The following FUNDC2 variants were observed in gnomAD, a reference collection of about 807,000 sequenced individuals.
FUNDC2 encodes FUN14 domain containing 2, also known as FUN14 domain-containing protein 2.
FUNDC2 carries 4 observed loss-of-function variants against 15.6 expected under a neutral mutation model. That is an observed-to-expected ratio of 0.26 (90% CI 0.13 to 0.59). The LOEUF (loss-of-function observed/expected upper bound fraction) is 0.59, where lower values mean the gene tolerates loss of function less well. Ranked by LOEUF, FUNDC2 falls within the 20% of genes least tolerant of loss-of-function variation. The pLI, the probability that FUNDC2 is intolerant of heterozygous loss-of-function variation, is 0.90. For missense variants in FUNDC2, 98 were observed against 149.7 expected (o/e 0.65, Z 1.80); for synonymous variants, 44 against 56.9 (o/e 0.77, Z 1.02).
In FUNDC2 at chrX:155,054,771, C is replaced by T; in HGVS notation, c.*99C>T. ...AGTCCCTCCTCCTCTTCTCCCATGC[C>T]TTCTTCCCTGCCATGGCAAATCTGA... On this transcript the variant is annotated 3_prime_UTR_variant, in exon 5 of 5. Coordinates refer to ENST00000369498, the MANE Select transcript of FUNDC2 (RefSeq NM_023934.4). The T allele has an allele frequency of 1.3e-6, 1 of 741,421 alleles. No homozygotes were observed. The highest frequency in any genetic ancestry group is 2.3e-5 in the Admixed American group (1 of 42,837). 61.1% of individuals were successfully genotyped at this position (741,421 alleles called of 1,213,427 possible). A position where few individuals can be genotyped will look rare whatever the true frequency, so the allele number is the denominator to read the frequency against.
rs2073906447 is a variant in FUNDC2, at chrX:155,057,038, ATCCTGCTAGTATGAGAAC to A, written c.*2367_*2384del. The A allele has an allele frequency of 1.0e-5, 1 of 96,025 alleles. No individual in the cohort carries two copies. Among genetic ancestry groups the A allele is most frequent in the African/African-American group, 3.8e-5 (1 of 26,044 alleles). 7.9% of individuals were successfully genotyped at this position (96,025 alleles called of 1,213,427 possible). A position where few individuals can be genotyped will look rare whatever the true frequency, so the allele number is the denominator to read the frequency against. ...GAGGTCAGTATTGCAGGTTGGCCTC[ATCCTGCTAGTATGAGAAC>A]GGCTGTGAGTTCTGCCCACGGTGTG... On this transcript the variant is annotated 3_prime_UTR_variant, in exon 5 of 5. Transcript: ENST00000369498.
chrX:155,036,185 C>A (rs1557289178), intron 2 of FUNDC2, among the ~76,000 whole-genome samples: 2 of 112,152 alleles, frequency 1.8e-5, no homozygotes, highest in African/African-American at 3.2e-5. Context: ...TTGGTATTAT[C>A]TTTTTGATTA....
At chrX:155,052,157 C>T (rs782339766) in intron 4 of FUNDC2, among the ~76,000 whole-genome samples, 8 of 112,188 alleles carry the variant, frequency 7.1e-5, no homozygotes, top group Non-Finnish European at 1.5e-4. Context: ...GCTTGTTCTG[C>T]ATATAACTAG....
rs782677786 is a variant in FUNDC2, at chrX:155,033,570, A to G, written c.284+17A>G. ...CACTGGATGGTAAGTGATGTGAAAG[A>G]TGTCCACTGTCTTTTGTGCATGATT... is the stretch of plus-strand genomic sequence containing the variant. On this transcript the variant is annotated intron_variant, in intron 2 of 4. Transcript: ENST00000369498. 8.3e-7 allele frequency: 1 copy of G among 1,198,288 alleles called. No individual in the cohort carries two copies. Among genetic ancestry groups the G allele is most frequent in the Admixed American group, 2.2e-5 (1 of 46,023 alleles).
chrX:155,029,753 CAAAAAAAA>C (rs59625612), intron 1 of FUNDC2, among the ~76,000 whole-genome samples: 1 of 66,361 alleles, frequency 1.5e-5, no homozygotes, highest in Admixed American at 1.7e-4. Context: ...AACTCTATCT[CAAAAAAAA>C]AAAAAAAAAG....
At position 155,057,593 on chromosome X, in the gene FUNDC2, T is replaced by C. The variant is rs2073911723; in HGVS notation, c.*2921T>C. 9.0e-6 allele frequency: 1 copy of C among 111,725 alleles called. No homozygotes were observed. The highest frequency in any genetic ancestry group is 1.9e-5 in the Non-Finnish European group (1 of 53,030). 9.2% of individuals were successfully genotyped at this position (111,725 alleles called of 1,213,427 possible). Reference sequence around the variant, plus strand: ...GCTTCCAACTTGTCAACCAATAGGATGGCATCTACGTAGTGAAGGCTTCCC... The same window carrying C: ...GCTTCCAACTTGTCAACCAATAGGACGGCATCTACGTAGTGAAGGCTTCCC... On this transcript the variant is annotated 3_prime_UTR_variant, in exon 5 of 5. Transcript: ENST00000369498.
In FUNDC2 at chrX:155,037,515, G is replaced by T. The variant is rs185220996; in HGVS notation, c.284+3962G>T. On this transcript the variant is annotated intron_variant, in intron 2 of 4. Coordinates refer to ENST00000369498, the MANE Select transcript of FUNDC2 (RefSeq NM_023934.4). ...TTTATTTTTTTTGAGACATAGTCTC[G>T]CTCTCTCACCCAGGCTAGAGTGCAG... 4.1e-3 allele frequency among the ~76,000 whole-genome samples: 450 copies of T among 110,952 alleles called. 1 individual carries two copies. Among genetic ancestry groups the T allele is most frequent in the Middle Eastern group, 0.014 (3 of 214 alleles).
intron 3 of FUNDC2, 107 bp from the exon 4 acceptor site, chrX:155,051,563 A>G: frequency 1.1e-6 from 1 of 876,181 alleles, no homozygotes; most frequent in South Asian, 2.5e-5. Flanking sequence ...TGTCTCCAAA[A>G]ATGGAAAGTC....
rs2073901818 is a variant in FUNDC2 at position 155,056,870 on chromosome X, T to TTGA, written c.*2198_*2199insTGA. On this transcript the variant is annotated 3_prime_UTR_variant, in exon 5 of 5. Coordinates refer to ENST00000369498, the MANE Select transcript of FUNDC2 (RefSeq NM_023934.4). ...GGTGAGGGCAGCAAAGATTAGCAGG[T>TTGA]GGTTGTAAACTACCTTGAGTAGGTT... 8.9e-6 allele frequency: 1 copy of TTGA among 111,816 alleles called. No homozygotes were observed. The highest frequency in any genetic ancestry group is 1.9e-5 in the Non-Finnish European group (1 of 53,126). 9.2% of individuals were successfully genotyped at this position (111,816 alleles called of 1,213,427 possible).
chrX:155,055,647 C>T lies in FUNDC2; in HGVS notation c.*975C>T, dbSNP rs2073892397. 1 of 167,216 alleles carries T rather than the reference C, an allele frequency of 6.0e-6. No individual in the cohort carries two copies. The highest frequency in any genetic ancestry group is 8.0e-5 in the Admixed American group (1 of 12,534). 13.8% of individuals were successfully genotyped at this position (167,216 alleles called of 1,213,427 possible). On this transcript the variant is annotated 3_prime_UTR_variant, in exon 5 of 5. Coordinates refer to ENST00000369498, the MANE Select transcript of FUNDC2 (RefSeq NM_023934.4). ...TTACACACACACACACACACGGGCA[C>T]ACACGCACACACAGAATCTTACCAC... is the stretch of plus-strand genomic sequence containing the variant.
Position 155,046,979 on chromosome X carries a change from G to A in FUNDC2, c.360+395G>A, listed in dbSNP as rs1262009645. Reference sequence around the variant, plus strand: ...GTTGAGCATGTGATGAGAAATGGGAGCTAAGTGACAGTACAGTCAGATGTC... The same window carrying A: ...GTTGAGCATGTGATGAGAAATGGGAACTAAGTGACAGTACAGTCAGATGTC... On this transcript the variant is annotated intron_variant, in intron 3 of 4. Coordinates refer to ENST00000369498, the MANE Select transcript of FUNDC2 (RefSeq NM_023934.4). 10 of 204,468 alleles carry A rather than the reference G, an allele frequency of 4.9e-5. No individual in the cohort carries two copies. The East Asian group carries it at 1.2e-3, about 24-fold the overall frequency. 16.9% of individuals were successfully genotyped at this position (204,468 alleles called of 1,213,427 possible).
chrX:155,046,739 G>A (rs782783016), intron 3 of FUNDC2, among the ~76,000 whole-genome samples, 155 bp downstream of exon 3: 9 of 112,186 alleles, frequency 8.0e-5, no homozygotes, highest in Non-Finnish European at 1.5e-4. Context: ...GACCGTTTGA[G>A]TCAAATTTTA....
rs1256189597 is a variant in FUNDC2, at chrX:155,057,393, T to G, written c.*2721T>G. The G allele has an allele frequency of 8.9e-6, 1 of 111,981 alleles. No individual in the cohort carries two copies. The highest frequency in any genetic ancestry group is 1.9e-5 in the Non-Finnish European group (1 of 53,099). The allele number at this position is 111,981 out of a possible 1,213,427, so 9.2% of individuals were successfully genotyped here. A position where few individuals can be genotyped will look rare whatever the true frequency, so the allele number is the denominator to read the frequency against. The stretch of plus-strand genomic sequence containing the variant: ...GGCCTGCTTAGCTAGGCACGTATTT[T>G]CTCCAGTAGCAGAGTCCAATGACGC... On this transcript the variant is annotated 3_prime_UTR_variant, in exon 5 of 5. Coordinates refer to ENST00000369498, the MANE Select transcript of FUNDC2 (RefSeq NM_023934.4).
chrX:155,051,875 A>G (rs1557290529), intron 4 of FUNDC2, 74 bp downstream of exon 4: 7 of 1,029,457 alleles, frequency 6.8e-6, no homozygotes, highest in Non-Finnish European at 9.3e-6. Flanking sequence ...ATTGTACCAT[A>G]TCTCAGTGAT....
rs782028948 is a variant in FUNDC2 at position 155,055,488 on chromosome X, G to A, written c.*816G>A. 7.0e-5 allele frequency: 20 copies of A among 286,295 alleles called. No homozygotes were observed. In the South Asian group the frequency reaches 1.5e-3, roughly 21 times the overall value. 23.6% of individuals were successfully genotyped at this position (286,295 alleles called of 1,213,427 possible). A position where few individuals can be genotyped will look rare whatever the true frequency, so the allele number is the denominator to read the frequency against. ...TAGTATGAAATACAACATTTAAACC[G>A]GAATTTTAAAGAAGTAGCTTTCCAG... is the stretch of plus-strand genomic sequence containing the variant. On this transcript the variant is annotated 3_prime_UTR_variant, in exon 5 of 5. Transcript: ENST00000369498.
intron 2 of FUNDC2, among the ~76,000 whole-genome samples, chrX:155,042,342 G>A (rs782650899): frequency 2.1e-4 from 22 of 106,535 alleles, no homozygotes; most frequent in South Asian, 4.2e-4. Context: ...GTGCACCACC[G>A]CACCTGGCTA....
intron 1 of FUNDC2, among the ~76,000 whole-genome samples, chrX:155,029,988 T>A (rs1396655059): frequency 4.5e-5 from 5 of 111,126 alleles, no homozygotes; most frequent in Non-Finnish European, 9.4e-5. Context: ...TTGAATTTAC[T>A]ACAACATAAT....
rs1557290733 is a variant in FUNDC2, at chrX:155,054,692, A to G, written c.*20A>G. 2 of 1,182,711 alleles carry G rather than the reference A, an allele frequency of 1.7e-6. No individual in the cohort carries two copies. The highest frequency in any genetic ancestry group is 1.8e-5 in the African/African-American group (1 of 57,070). Reference sequence around the variant, plus strand: ...TCCTAAGGAAGATGACCTCATGTTCATTGTTCCTGGTTTTTTCCAGCCAGC... The same window carrying G: ...TCCTAAGGAAGATGACCTCATGTTCGTTGTTCCTGGTTTTTTCCAGCCAGC... On this transcript the variant is annotated 3_prime_UTR_variant, in exon 5 of 5. Coordinates refer to ENST00000369498, the MANE Select transcript of FUNDC2 (RefSeq NM_023934.4).
At position 155,058,134 on chromosome X, in the gene FUNDC2, C is replaced by T. The variant is rs782279209; in HGVS notation, c.*3462C>T. On this transcript the variant is annotated 3_prime_UTR_variant, in exon 5 of 5. Coordinates refer to ENST00000369498, the MANE Select transcript of FUNDC2 (RefSeq NM_023934.4). ...ATTAACAGGACAGTGGGGTTCTTGA[C>T]TCCCCTACCACTGGGGTGACAGTCC... The T allele has an allele frequency of 9.0e-6, 1 of 111,699 alleles. No individual in the cohort carries two copies. The highest frequency in any genetic ancestry group is 1.9e-5 in the Non-Finnish European group (1 of 53,158). The allele number at this position is 111,699 out of a possible 1,213,427, so 9.2% of individuals were successfully genotyped here. A position where few individuals can be genotyped will look rare whatever the true frequency, so the allele number is the denominator to read the frequency against.
Sources: gnomAD v4.1 joint callset for allele counts (sites outside exome capture counted in the v4.1 genomes callset) on GRCh38, gnomAD v4.1.1 for gene constraint, MANE v1.5 for transcripts, NCBI Gene and HGNC (gene_info 2026-07-23, HGNC 2026-07-21) for gene names.